COL5A1: variants seen among roughly 807,000 people sequenced by gnomAD.
COL5A1 encodes collagen alpha-1(V) chain.
In COL5A1, 16 loss-of-function variants were observed where a neutral mutation model predicts 263.7. The observed-to-expected ratio is 0.06, with a 90% CI of 0.04 to 0.09. The LOEUF is 0.09. Ranked by LOEUF, COL5A1 falls within the 10% of genes least tolerant of loss-of-function variation. The pLI, the probability that COL5A1 is intolerant of heterozygous loss-of-function variation, is 1.00. For synonymous variants in COL5A1, 1,012 were observed against 1,004.5 expected, an observed-to-expected ratio of 1.01 and a Z score of -0.14; for missense variants, 2,036 against 2,540.5, an observed-to-expected ratio of 0.80 and a Z score of 4.27.
chr9:134,809,569 A>G (rs1399593554), intron 43 of COL5A1, among the ~76,000 whole-genome samples: 1 of 152,264 alleles, frequency 6.6e-6, no homozygotes, highest in Non-Finnish European at 1.5e-5. Context: ...GAGTAGCCAC[A>G]GCAGAGAAAA....
At chr9:134,662,686 G>A (rs1832245992) in intron 1 of COL5A1, among the ~76,000 whole-genome samples, 1 of 152,212 alleles carries the variant, frequency 6.6e-6, no homozygotes, top group South Asian at 2.1e-4. Context: ...TCTCTCCTCT[G>A]ATCTCTCTCC....
intron 9 of COL5A1, among the ~76,000 whole-genome samples, chr9:134,736,046 G>C (rs1835087456): frequency 6.6e-6 from 1 of 151,358 alleles, no homozygotes; most frequent in Non-Finnish European, 1.5e-5. Flanking sequence ...AGCACCTCTG[G>C]TGACAGCCTC....
At chr9:134,717,327 G>T (rs924564667) in intron 4 of COL5A1, among the ~76,000 whole-genome samples, 5 of 152,246 alleles carry the variant, frequency 3.3e-5, no homozygotes, top group Non-Finnish European at 4.4e-5. Context: ...ACGCAGTCGT[G>T]TTCTTAGCTC....
chr9:134,796,960 C>A, intron 36 of COL5A1, 59 bp downstream of exon 36: 1 of 1,180,764 alleles, frequency 8.5e-7, no homozygotes, highest in Non-Finnish European at 1.1e-6. Flanking sequence ...ACCCACCTGT[C>A]CCCTCCAAAA....
At chr9:134,809,107 T>A in intron 42 of COL5A1, 76 bp from the exon 43 acceptor site, 1 of 1,252,020 alleles carries the variant, frequency 8.0e-7, no homozygotes, top group East Asian at 2.5e-5. Flanking sequence ...CGGATCCCTC[T>A]CTTGGGTAAT....
chr9:134,819,626 T>C (rs1184684700), intron 57 of COL5A1, among the ~76,000 whole-genome samples: 1 of 152,218 alleles, frequency 6.6e-6, no homozygotes, highest in Non-Finnish European at 1.5e-5. Context: ...TTGCGAGGCT[T>C]GCCCTGGGTT....
At position 134,830,165 on chromosome 9, in the gene COL5A1, CG is replaced by C. The variant is rs779189580; in HGVS notation, c.5136+126del. The C allele has an allele frequency of 6.2e-7, 1 of 1,610,532 alleles. No individual in the cohort carries two copies. The highest frequency in any genetic ancestry group is 8.5e-7 in the Non-Finnish European group (1 of 1,178,430). Reference sequence around the variant, plus strand: ...TTCCACCTGGTATAGTCAGTACAAGCGGGGGTCCCTGGTAAGTGGCCACCTC... The same window carrying C: ...TTCCACCTGGTATAGTCAGTACAAGCGGGGTCCCTGGTAAGTGGCCACCTC... On this transcript the variant is annotated intron_variant, in intron 64 of 65. Coordinates refer to ENST00000371817, the MANE Select transcript of COL5A1 (RefSeq NM_000093.5).
At chr9:134,751,869 C>T (rs369400672) in intron 13 of COL5A1, among the ~76,000 whole-genome samples, 3 of 152,324 alleles carry the variant, frequency 2.0e-5, no homozygotes, top group South Asian at 2.1e-4. Flanking sequence ...GTAGCAAACC[C>T]CACTACCTGC....
At chr9:134,717,565 G>T (rs940636066) in intron 4 of COL5A1, among the ~76,000 whole-genome samples, 6 of 152,300 alleles carry the variant, frequency 3.9e-5, no homozygotes, top group African/African-American at 1.4e-4. Context: ...CCCAGTCAGC[G>T]TGTTAACTCA....
chr9:134,753,030 A>G (rs78665980), intron 14 of COL5A1, among the ~76,000 whole-genome samples: 17,953 of 152,114 alleles, frequency 0.12, 1,307 homozygotes, highest in African/African-American at 0.2. Flanking sequence ...AGAACACGCT[A>G]TGAGCTGTCA....
chr9:134,768,436 A>G lies in COL5A1; in HGVS notation c.2259A>G (p.Pro753=), dbSNP rs776416548. The G allele has an allele frequency of 1.2e-6, 2 of 1,614,128 alleles. No homozygotes were observed. The highest frequency in any genetic ancestry group is 8.5e-7 in the Non-Finnish European group (1 of 1,180,020). Residue 753 remains proline, a synonymous_variant, in exon 25 of 66, where the codon CCA becomes CCG. Coordinates refer to ENST00000371817, the MANE Select transcript of COL5A1 (RefSeq NM_000093.5). ...EKGPLGKPGL[P]GMPGADGPPG... Reference sequence around the variant, plus strand: ...GTCCCTTGGGGAAACCAGGCCTTCCAGGAATGCCCGGTGCTGACGGACCCC... The same window carrying G: ...GTCCCTTGGGGAAACCAGGCCTTCCGGGAATGCCCGGTGCTGACGGACCCC...
At position 134,681,759 on chromosome 9, in the gene COL5A1, G is replaced by C. The variant is rs1832865764; in HGVS notation, c.110-9153G>C. On this transcript the variant is annotated intron_variant, in intron 1 of 65. Coordinates refer to ENST00000371817, the MANE Select transcript of COL5A1 (RefSeq NM_000093.5). This position sits in a 1 kb window ranked among gnomAD's most constrained non-coding sequence, Gnocchi z 4.3. The stretch of plus-strand genomic sequence containing the variant: ...TCCTGGCTCTAAAATTAGAGTTCTA[G>C]CCCGAGAATTGTGAAGACCTCAAGC... Among the ~76,000 whole-genome samples the C allele has an allele frequency of 6.6e-6, 1 of 152,162 alleles. No homozygotes were observed. Among genetic ancestry groups the C allele is most frequent in the Non-Finnish European group, 1.5e-5 (1 of 68,026 alleles).
At chr9:134,775,582 A>G (rs1427110737) in intron 27 of COL5A1, among the ~76,000 whole-genome samples, 2 of 152,208 alleles carry the variant, frequency 1.3e-5, no homozygotes, top group African/African-American at 4.8e-5. Context: ...GGGTAATGCA[A>G]TCTCGAGTTG....
intron 32 of COL5A1, among the ~76,000 whole-genome samples, chr9:134,793,667 A>G (rs1837798144): frequency 1.3e-5 from 2 of 148,996 alleles, no homozygotes; most frequent in Admixed American, 6.6e-5. Context: ...GATGGGAATG[A>G]GTAAATCTGG....
chr9:134,644,146 G>A (rs182449843), intron 1 of COL5A1, among the ~76,000 whole-genome samples: 39 of 151,894 alleles, frequency 2.6e-4, no homozygotes, highest in Non-Finnish European at 4.4e-4. Context: ...CTATTTGGAA[G>A]TCATCCTTCG....
At chr9:134,760,030 GCA>G (rs776023270) in intron 18 of COL5A1, among the ~76,000 whole-genome samples, 4 of 52,308 alleles carry the variant, frequency 7.6e-5, no homozygotes, top group African/African-American at 9.8e-5. Flanking sequence ...ACACACCCAC[GCA>G]CACACGCACA....
At chr9:134,729,346 G>T (rs1277671106) in intron 6 of COL5A1, among the ~76,000 whole-genome samples, 1 of 152,206 alleles carries the variant, frequency 6.6e-6, no homozygotes. Flanking sequence ...GTGCAGGAGT[G>T]TGTATGGGTG....
At chr9:134,713,003 G>A (rs895159917) in intron 4 of COL5A1, among the ~76,000 whole-genome samples, 7 of 152,210 alleles carry the variant, frequency 4.6e-5, no homozygotes, top group South Asian at 2.1e-4. Context: ...CAAACCAGGC[G>A]TGATTCCCGC....
rs763514606 is a variant in COL5A1 at position 134,647,243 on chromosome 9, C to T, written c.109+4947C>T. Among the ~76,000 whole-genome samples the T allele has an allele frequency of 1.3e-5, 2 of 152,134 alleles. No individual in the cohort carries two copies. Among genetic ancestry groups the T allele is most frequent in the Non-Finnish European group, 2.9e-5 (2 of 68,014 alleles). ...GCTGCCCCTTTGCCTTCCTTGGCCT[C>T]GGTTCTTTGCTTTCCCACGGAACCT... On this transcript the variant is annotated intron_variant, in intron 1 of 65. Transcript: ENST00000371817. The surrounding 1 kb of genome is among the most constrained non-coding windows in gnomAD (Gnocchi z 5.0).
Sources: gnomAD v4.1 joint callset for allele counts (sites outside exome capture counted in the v4.1 genomes callset) on GRCh38, gnomAD v4.1.1 for gene constraint, Gnocchi (gnomAD v3.1) non-coding constraint, MANE v1.5 for transcripts, NCBI Gene and HGNC (gene_info 2026-07-23, HGNC 2026-07-21) for gene names.